NXPE2: variants seen among roughly 807,000 people sequenced by gnomAD.
NXPE2 encodes neurexophilin and PC-esterase domain family member 2, also known as NXPE family member 2.
A neutral mutation model predicts 34.4 loss-of-function variants in NXPE2; 34 were observed. The observed-to-expected ratio is 0.99, with a 90% CI of 0.75 to 1.31. NXPE2 has a LOEUF of 1.31. Ranked by LOEUF, NXPE2 falls within the 40% of genes most tolerant of loss-of-function variation. NXPE2 has a pLI of 0.00. For synonymous variants in NXPE2, 235 were observed against 231.3 expected, an observed-to-expected ratio of 1.02 and a Z score of -0.15; for missense variants, 649 against 672.5, an observed-to-expected ratio of 0.97 and a Z score of 0.39.
chr11:114,575,205 G>A, the NXPE2 span, among the ~76,000 whole-genome samples: 1 of 152,006 alleles, frequency 6.6e-6, no homozygotes, highest in African/African-American at 2.4e-5. Context: ...GGTAATAGAA[G>A]CCATCTACAA....
chr11:114,660,712 T>C, the NXPE2 span, among the ~76,000 whole-genome samples: 1 of 152,094 alleles, frequency 6.6e-6, no homozygotes, highest in African/African-American at 2.4e-5. Flanking sequence ...ATCAATAATG[T>C]TCAATCTTGC....
At chr11:114,614,676 G>C in the NXPE2 span, among the ~76,000 whole-genome samples, 1 of 151,682 alleles carries the variant, frequency 6.6e-6, no homozygotes, top group African/African-American at 2.4e-5. Context: ...CACTGGATAA[G>C]TGTTGCCTCG....
At chr11:114,582,993 G>A in the NXPE2 span, 2 of 1,613,308 alleles carry the variant, frequency 1.2e-6, no homozygotes, top group Non-Finnish European at 8.5e-7. Context: ...GTAATGGAGG[G>A]AGATGGATAA....
At chr11:114,638,150 G>T in the NXPE2 span, among the ~76,000 whole-genome samples, 1 of 151,762 alleles carries the variant, frequency 6.6e-6, no homozygotes, top group Admixed American at 6.6e-5. Context: ...TTTCTCGGAG[G>T]CTTTGTTCAT....
At chr11:114,637,177 T>C in the NXPE2 span, among the ~76,000 whole-genome samples, 1 of 151,962 alleles carries the variant, frequency 6.6e-6, no homozygotes, top group African/African-American at 2.4e-5. Flanking sequence ...TTTAGGATAG[T>C]TAGCTCTTCT....
the NXPE2 span, among the ~76,000 whole-genome samples, chr11:114,558,214 G>A: frequency 1.3e-4 from 19 of 151,822 alleles, no homozygotes; most frequent in East Asian, 7.7e-4. Flanking sequence ...ATGTGTGTGT[G>A]TATATATATA....
chr11:114,477,184 A>T, the NXPE2 span, among the ~76,000 whole-genome samples: 3 of 152,148 alleles, frequency 2.0e-5, no homozygotes, highest in Non-Finnish European at 4.4e-5. Context: ...AGAAGCAGAG[A>T]GTAGAATGGT....
chr11:114,658,175 G>A, the NXPE2 span, among the ~76,000 whole-genome samples: 2 of 152,250 alleles, frequency 1.3e-5, no homozygotes, highest in East Asian at 3.9e-4. Context: ...TGAGGTCACA[G>A]GCCAACCATC....
chr11:114,598,534 C>T, the NXPE2 span, among the ~76,000 whole-genome samples: 1 of 152,372 alleles, frequency 6.6e-6, no homozygotes, highest in South Asian at 2.1e-4. Context: ...CATACATCCT[C>T]TGAAATCTAA....
At chr11:114,789,024 A>C in the NXPE2 span, among the ~76,000 whole-genome samples, 1 of 152,322 alleles carries the variant, frequency 6.6e-6, no homozygotes, top group East Asian at 1.9e-4. Flanking sequence ...TTCTATGCTA[A>C]ATCAATTAAG....
the NXPE2 span, among the ~76,000 whole-genome samples, chr11:114,515,478 A>G: frequency 3.9e-5 from 6 of 152,252 alleles, no homozygotes; most frequent in Non-Finnish European, 8.8e-5. Context: ...GACTTCAAAC[A>G]GAAAAACATG....
At chr11:114,623,100 C>G in the NXPE2 span, among the ~76,000 whole-genome samples, 1 of 152,092 alleles carries the variant, frequency 6.6e-6, no homozygotes, top group Admixed American at 6.6e-5. Context: ...TTAGCGTTGC[C>G]TGGCGGATAA....
the NXPE2 span, among the ~76,000 whole-genome samples, chr11:114,586,565 G>C: frequency 6.6e-6 from 1 of 152,176 alleles, no homozygotes; most frequent in East Asian, 1.9e-4. Flanking sequence ...ATGTCCTCAG[G>C]GTGCTGGGAA....
chr11:114,739,292 C>T, the NXPE2 span, among the ~76,000 whole-genome samples: 1 of 12,612 alleles, frequency 7.9e-5, no homozygotes, highest in Non-Finnish European at 1.8e-4. Context: ...TCCTTCCTTC[C>T]TTCCTTCCTT....
At chr11:114,723,614 A>G in the NXPE2 span, among the ~76,000 whole-genome samples, 1 of 152,046 alleles carries the variant, frequency 6.6e-6, no homozygotes, top group Admixed American at 6.6e-5. Flanking sequence ...CTTCATAAGG[A>G]GATATATTTA....
chr11:114,659,181 A>G, the NXPE2 span, among the ~76,000 whole-genome samples: 129,589 of 152,176 alleles, frequency 0.85, 56,177 homozygotes, highest in Non-Finnish European at 0.92. Context: ...GTTTATGTTA[A>G]TCTATACTGT....
chr11:114,719,564 G>A, the NXPE2 span, among the ~76,000 whole-genome samples: 1 of 152,236 alleles, frequency 6.6e-6, no homozygotes, highest in African/African-American at 2.4e-5. Context: ...GTGACCATTA[G>A]ATCCATTGAA....
the NXPE2 span, among the ~76,000 whole-genome samples, chr11:114,490,629 T>C: frequency 6.6e-6 from 1 of 152,202 alleles, no homozygotes; most frequent in African/African-American, 2.4e-5. Context: ...TAAATGGTGC[T>C]GGGAAAACTG....
chr11:114,691,810 G>A (rs1951157495), intron 2 of NXPE2, among the ~76,000 whole-genome samples: 1 of 151,282 alleles, frequency 6.6e-6, no homozygotes, highest in Admixed American at 6.6e-5. Context: ...ATAGTGCTGA[G>A]GGTTAGATCT....
Sources: allele counts gnomAD v4.1 joint callset (sites outside exome capture counted in the v4.1 genomes callset), GRCh38; gene constraint gnomAD v4.1.1; transcripts MANE v1.5; gene names NCBI Gene and HGNC (gene_info 2026-07-23, HGNC 2026-07-21).